AP3D1: variants seen among roughly 807,000 people sequenced by gnomAD.
AP3D1 encodes the protein AP-3 complex subunit delta-1.
Under a neutral mutation model 147.6 loss-of-function variants are expected in AP3D1, and 51 were observed. That is an observed-to-expected ratio of 0.35 (90% CI 0.28 to 0.44). The LOEUF (loss-of-function observed/expected upper bound fraction) is 0.44, where lower values mean the gene tolerates loss of function less well. AP3D1 is among the 20% of genes least tolerant of loss of function. The pLI, the probability that AP3D1 is intolerant of heterozygous loss-of-function variation, is 1.00. For synonymous variants in AP3D1, 760 were observed against 663.0 expected, an observed-to-expected ratio of 1.15 and a Z score of -2.25; for missense variants, 1,421 against 1,624.2, an observed-to-expected ratio of 0.87 and a Z score of 2.15.
intron 31 of AP3D1, among the ~76,000 whole-genome samples, chr19:2,104,666 G>GTTTT (rs967229513): frequency 7.9e-5 from 9 of 113,466 alleles, no homozygotes; most frequent in African/African-American, 1.4e-4. Flanking sequence ...TCTGACACAA[G>GTTTT]TTTTTTTTTT....
upstream of AP3D1, among the ~76,000 whole-genome samples, chr19:2,152,674 G>A (rs1345100091): frequency 6.6e-6 from 1 of 151,888 alleles, no homozygotes; most frequent in African/African-American, 2.4e-5. Context: ...TCAGGAGTTC[G>A]AGACTAGCCT....
rs75865123 is a variant in AP3D1, at chr19:2,111,398, T to C, written c.2938-66A>G. 0.15 allele frequency: 238,075 copies of C among 1,582,714 alleles called. 19,089 individuals are homozygous for C. Among genetic ancestry groups the C allele is most frequent in the Non-Finnish European group, 0.17 (190,641 of 1,154,192 alleles). On this transcript the variant is annotated intron_variant, in intron 25 of 31. Transcript: ENST00000643116. ...CTCCGTCTCAGCGAAGACTCCAGTATGGCCCAATACCCCAGGTCGAATGCC... is the reference window on the plus strand; with the variant it reads ...CTCCGTCTCAGCGAAGACTCCAGTACGGCCCAATACCCCAGGTCGAATGCC...
At chr19:2,118,442 T>C (rs1351328728) in intron 15 of AP3D1, among the ~76,000 whole-genome samples, 159 bp downstream of exon 15, 13 of 152,154 alleles carry the variant, frequency 8.5e-5, no homozygotes, top group Non-Finnish European at 1.8e-4. Context: ...CAGGTCCCAC[T>C]GACTAACCCC....
chr19:2,123,699 T>C, intron 10 of AP3D1, 131 bp downstream of exon 10: 3 of 1,131,050 alleles, frequency 2.7e-6, no homozygotes, highest in South Asian at 2.7e-5. Context: ...GACGCGGCTG[T>C]GCCCTCCCAA....
At chr19:2,122,779 T>A (rs1162622738) in intron 11 of AP3D1, among the ~76,000 whole-genome samples, 2 of 152,166 alleles carry the variant, frequency 1.3e-5, no homozygotes, top group Non-Finnish European at 1.5e-5. Context: ...GCCACTCCAC[T>A]ATCTGGGCTG....
At chr19:2,164,365 C>T (rs1005856873) in exon 1 of AP3D1, 13 of 795,320 alleles carry the variant, frequency 1.6e-5, no homozygotes, top group South Asian at 6.1e-5. Flanking sequence ...CCGGTCCCCC[C>T]TGCGGAACGG....
At chr19:2,155,271 GAAT>G (rs1291339977), upstream of AP3D1, among the ~76,000 whole-genome samples, 1 of 152,000 alleles carries the variant, frequency 6.6e-6, no homozygotes, top group Non-Finnish European at 1.5e-5. Flanking sequence ...TGAGGCAGGA[GAAT>G]AGCTTGAACC....
intron 31 of AP3D1, 134 bp downstream of exon 31, chr19:2,108,553 C>G (rs2018174477): frequency 2.6e-6 from 2 of 766,300 alleles, no homozygotes; most frequent in Admixed American, 2.5e-5. Context: ...AGGTGAGGGG[C>G]TCATGGCAGC....
chr19:2,143,796 G>A (rs1353269907), intron 1 of AP3D1, among the ~76,000 whole-genome samples: 7 of 151,492 alleles, frequency 4.6e-5, no homozygotes, highest in Non-Finnish European at 8.8e-5. Flanking sequence ...ATAAATGAAA[G>A]TGCTGCCTCG....
intron 31 of AP3D1, 56 bp from the exon 32 acceptor site, chr19:2,102,324 T>TG (rs1323077052): frequency 1.3e-6 from 2 of 1,482,640 alleles, no homozygotes; most frequent in African/African-American, 2.8e-5. Context: ...CTAGGCACGG[T>TG]GGCTCAAGTC....
intron 31 of AP3D1, among the ~76,000 whole-genome samples, chr19:2,107,606 G>T (rs1285737422): frequency 1.3e-5 from 2 of 152,040 alleles, no homozygotes; most frequent in African/African-American, 2.4e-5. Context: ...CGGGCGTGGT[G>T]GCAGGTGCTT....
intron 1 of AP3D1, among the ~76,000 whole-genome samples, chr19:2,139,731 C>T (rs1002187176): frequency 6.6e-6 from 1 of 152,210 alleles, no homozygotes; most frequent in East Asian, 1.9e-4. Flanking sequence ...GGAGTGACGG[C>T]TGCCCGGGCC....
rs570253629 is a variant in AP3D1 at position 2,138,126 on chromosome 19, G to A, written c.193-319C>T. Among the ~76,000 whole-genome samples the A allele has an allele frequency of 2.3e-4, 35 of 152,282 alleles. 1 individual carries two copies. The South Asian group carries it at 6.2e-3, about 27-fold the overall frequency. The stretch of plus-strand genomic sequence containing the variant: ...CGAATCGGCTCCTTGAAATAGTTAC[G>A]AGACGAGCAGCAGCATGGGGGACCC... On this transcript the variant is annotated intron_variant, in intron 2 of 31. Coordinates refer to ENST00000643116, the MANE Select transcript of AP3D1 (RefSeq NM_001261826.3).
At chr19:2,136,719 C>T (rs2145134190) in intron 4 of AP3D1, among the ~76,000 whole-genome samples, 1 of 152,296 alleles carries the variant, frequency 6.6e-6, no homozygotes, top group Non-Finnish European at 1.5e-5. Context: ...AGGCCAGCTG[C>T]GAGTGGACCC....
chr19:2,106,282 C>A (rs1256088369), intron 31 of AP3D1, among the ~76,000 whole-genome samples: 1 of 152,130 alleles, frequency 6.6e-6, no homozygotes, highest in African/African-American at 2.4e-5. Flanking sequence ...AACAAATGGG[C>A]TCACTCCTGC....
rs1242295545 is a variant in AP3D1 at position 2,130,532 on chromosome 19, T to C, written c.468A>G (p.Ser156=). 1.2e-6 allele frequency: 2 copies of C among 1,613,788 alleles called. No homozygotes were observed. The highest frequency in any genetic ancestry group is 2.7e-5 in the African/African-American group (2 of 74,928). The change falls in exon 6 of 32, where the codon TCA becomes TCG. Residue 156 remains serine (S), a synonymous_variant. Transcript: ENST00000643116. The part of the protein sequence containing the change: ...DLANDIMTLM[S]HTKPYIRKKA... ...TCTTCCTGATGTAGGGCTTGGTGTG[T>C]GACATCTGCGGGGCAGCGGGCTTCA... is the stretch of plus-strand genomic sequence containing the variant.
At chr19:2,162,162 G>A (rs1192907321) in intron 1 of AP3D1, among the ~76,000 whole-genome samples, 1 of 149,854 alleles carries the variant, frequency 6.7e-6, no homozygotes, top group Admixed American at 6.7e-5. Context: ...TCAGCCTCAT[G>A]AGTAGCTGGG....
chr19:2,114,055 C>T (rs918980535), intron 22 of AP3D1, 70 bp downstream of exon 22: 17 of 1,501,286 alleles, frequency 1.1e-5, no homozygotes, highest in Middle Eastern at 2.0e-4. Context: ...CTGAGCTCAC[C>T]GCTGTCTCCT....
In AP3D1 at chr19:2,146,433, G is replaced by A. The variant is rs1049368220; in HGVS notation, c.96+4806C>T. Among the ~76,000 whole-genome samples the A allele has an allele frequency of 4.3e-4, 65 of 151,918 alleles. 2 individuals are homozygous for A. Among genetic ancestry groups the A allele is most frequent in the African/African-American group, 1.5e-3 (64 of 41,358 alleles). The stretch of plus-strand genomic sequence containing the variant: ...AGCCTGGCCGATACAGTGAAACCCC[G>A]TCTCTGCTAAAAATACAAAAATTAG... On this transcript the variant is annotated intron_variant, in intron 1 of 31. Transcript: ENST00000643116.
Sources: allele counts gnomAD v4.1 joint callset (sites outside exome capture counted in the v4.1 genomes callset), GRCh38; gene constraint gnomAD v4.1.1; transcripts MANE v1.5; gene names NCBI Gene and HGNC (gene_info 2026-07-23, HGNC 2026-07-21).